The following APOC2 variants were observed in gnomAD, a reference collection of about 807,000 sequenced individuals.
APOC2 encodes apolipoprotein C-II.
In APOC2, 6 loss-of-function variants were observed where a neutral mutation model predicts 10.2. The observed-to-expected ratio is 0.59, with a 90% CI of 0.32 to 1.16. APOC2 has a LOEUF of 1.16. Among genes scored for constraint, APOC2 ranks in the 50% most tolerant of loss-of-function variants. The pLI, the probability that APOC2 is intolerant of heterozygous loss-of-function variation, is 0.05. For missense variants in APOC2, 110 were observed against 117.6 expected, an observed-to-expected ratio of 0.94 and a Z score of 0.30; for synonymous variants, 56 against 48.5, an observed-to-expected ratio of 1.15 and a Z score of -0.64.
intron 1 of APOC2, chr19:44,947,444 A>G (rs1432910504): frequency 2.0e-5 from 3 of 152,382 alleles, no homozygotes; most frequent in Admixed American, 2.0e-4. Flanking sequence ...CAGCCTTAGC[A>G]AAGGGCAGAG....
Position 44,949,340 on chromosome 19 carries a change from T to G in APOC2, c.*91T>G. ...CTGAGCTCCCCCTTCCCAGTAGCTC[T>G]TGCATCCTCCTCCCAACTCTAGCCT... is the stretch of plus-strand genomic sequence containing the variant. On this transcript the variant is annotated 3_prime_UTR_variant, in exon 4 of 4. Transcript: ENST00000252490. The G allele has an allele frequency of 1.1e-6, 1 of 920,062 alleles. No individual in the cohort carries two copies. Among genetic ancestry groups the G allele is most frequent in the Non-Finnish European group, 1.8e-6 (1 of 568,914 alleles). The allele number at this position is 920,062 out of a possible 1,614,324, so 57.0% of individuals were successfully genotyped here.
chr19:44,948,449 C>G lies in APOC2; in HGVS notation c.-13-17C>G. ...CCTCCAGTCAGCCTGCCACATGACA[C>G]CCCCTCAATGTTCCAGGTCTCTGGA... On this transcript the variant is annotated splice_polypyrimidine_tract_variant and intron_variant, in intron 1 of 3. Transcript: ENST00000252490. 1.9e-6 allele frequency: 3 copies of G among 1,610,146 alleles called. No homozygotes were observed. Among genetic ancestry groups the G allele is most frequent in the Non-Finnish European group, 2.5e-6 (3 of 1,176,530 alleles).
At chr19:44,948,658 G>C (rs766438817) in intron 2 of APOC2, 43 bp from the exon 3 acceptor site, 3 of 1,612,506 alleles carry the variant, frequency 1.9e-6, no homozygotes, top group Non-Finnish European at 2.5e-6. Context: ...CTTTCCCCCT[G>C]CTGCAGCCCC....
Position 44,948,423 on chromosome 19 carries a change from G to A in APOC2, c.-13-43G>A, listed in dbSNP as rs755878729. 2.1e-5 allele frequency: 32 copies of A among 1,555,268 alleles called. No homozygotes were observed. The Middle Eastern group carries it at 5.0e-4, about 24-fold the overall frequency. On this transcript the variant is annotated intron_variant, in intron 1 of 3. Transcript: ENST00000252490. ...GTGGGGCGTGACCACAGGAACAGCC[G>A]CCTCCAGTCAGCCTGCCACATGACA...
At chr19:44,948,627 C>T in intron 2 of APOC2, 74 bp from the exon 3 acceptor site, 1 of 1,604,980 alleles carries the variant, frequency 6.2e-7, no homozygotes, top group South Asian at 1.1e-5. Context: ...TGCCTCTGCC[C>T]TCTCCTCTTC....
intron 1 of APOC2, among the ~76,000 whole-genome samples, chr19:44,947,498 C>T (rs1380220376): frequency 1.3e-5 from 2 of 152,154 alleles, no homozygotes; most frequent in African/African-American, 4.8e-5. Flanking sequence ...TTTAGGTGCT[C>T]AAGAAAGCCT....
At chr19:44,948,025 C>T (rs1410127848) in intron 1 of APOC2, among the ~76,000 whole-genome samples, 2 of 152,074 alleles carry the variant, frequency 1.3e-5, no homozygotes, top group African/African-American at 2.4e-5. Context: ...GCCGAGAACA[C>T]GCCACTGCAC....
intron 1 of APOC2, among the ~76,000 whole-genome samples, chr19:44,946,286 C>A (rs1406061983): frequency 6.6e-6 from 1 of 151,582 alleles, no homozygotes; most frequent in Admixed American, 6.6e-5. Context: ...AGGCTAGACT[C>A]AAACTCCTGG....
chr19:44,949,137 A>G (rs1166201954), intron 3 of APOC2, 22 bp from the exon 4 acceptor site: 1 of 1,609,100 alleles, frequency 6.2e-7, no homozygotes, highest in Non-Finnish European at 8.5e-7. Context: ...CCTCCCTCTA[A>G]CCATCTGTGC....
At chr19:44,946,234 T>TGAGAGA (rs1555793404) in intron 1 of APOC2, among the ~76,000 whole-genome samples, 159 bp downstream of exon 1, 14 of 132,902 alleles carry the variant, frequency 1.1e-4, no homozygotes, top group African/African-American at 4.2e-4. Flanking sequence ...TGTGTGTGTG[T>TGAGAGA]GAGAGAGAGA....
At chr19:44,947,933 G>A (rs10420434) in intron 1 of APOC2, among the ~76,000 whole-genome samples, 11,904 of 152,310 alleles carry the variant, frequency 0.078, 600 homozygotes, top group African/African-American at 0.14. Flanking sequence ...GCCGGGCATG[G>A]TGGCAGGTGC....
At chr19:44,948,257 T>C in intron 1 of APOC2, 1 of 538,744 alleles carries the variant, frequency 1.9e-6, no homozygotes, top group Non-Finnish European at 3.3e-6. Flanking sequence ...AAATAATAAT[T>C]AAAATGTTAA....
chr19:44,948,540 G>T lies in APOC2; in HGVS notation c.55+7G>T. On this transcript the variant is annotated splice_region_variant and intron_variant, in intron 2 of 3. Coordinates refer to ENST00000252490, the MANE Select transcript of APOC2 (RefSeq NM_000483.5). ...CTCCTGGTATTGGGATTTGGTGAGT[G>T]TGGGCTTCCGGGGAGGGAAGCCTTG... 1 of 1,613,984 alleles carries T rather than the reference G, an allele frequency of 6.2e-7. No homozygotes were observed. The highest frequency in any genetic ancestry group is 8.5e-7 in the Non-Finnish European group (1 of 1,179,886).
chr19:44,947,110 CCAT>C (rs1356947037), intron 1 of APOC2: 1 of 151,548 alleles, frequency 6.6e-6, no homozygotes, highest in African/African-American at 2.4e-5. Context: ...CAAAATTGCG[CCAT>C]CGCACTCCAG....
chr19:44,946,924 A>G (rs115943687), intron 1 of APOC2, among the ~76,000 whole-genome samples: 1,676 of 152,210 alleles, frequency 0.011, 26 homozygotes, highest in African/African-American at 0.035. Flanking sequence ...GGCCAAGGCA[A>G]ACGGATCACT....
chr19:44,947,047 G>A (rs1970329595), intron 1 of APOC2, among the ~76,000 whole-genome samples: 1 of 152,012 alleles, frequency 6.6e-6, no homozygotes, highest in Admixed American at 6.6e-5. Context: ...AGTTACTCAG[G>A]AGGCTGAGGC....
intron 1 of APOC2, among the ~76,000 whole-genome samples, chr19:44,947,477 G>C (rs1286137493): frequency 3.3e-5 from 5 of 152,172 alleles, no homozygotes; most frequent in Non-Finnish European, 7.3e-5. Context: ...TCCCTGCTGG[G>C]CCCAGAACTG....
intron 1 of APOC2, among the ~76,000 whole-genome samples, chr19:44,946,648 C>T (rs113637966): frequency 9.1e-4 from 138 of 152,156 alleles, no homozygotes; most frequent in African/African-American, 2.9e-3. Flanking sequence ...ATGGTGAAAC[C>T]GCATCTATAC....
At chr19:44,948,678 C>T (rs373756895) in intron 2 of APOC2, 23 bp from the exon 3 acceptor site, 505 of 1,613,798 alleles carry the variant, frequency 3.1e-4, no homozygotes, top group Non-Finnish European at 4.2e-4. Flanking sequence ...CACGGGCTCT[C>T]CTGACACACT....
Sources: gnomAD v4.1 joint callset for allele counts (sites outside exome capture counted in the v4.1 genomes callset) on GRCh38, gnomAD v4.1.1 for gene constraint, MANE v1.5 for transcripts, NCBI Gene and HGNC (gene_info 2026-07-23, HGNC 2026-07-21) for gene names.